Variants in RSRC1 observed in about 807,000 individuals in gnomAD.
The protein encoded by RSRC1 is arginine and serine rich coiled-coil 1, also known as serine/Arginine-related protein 53.
RSRC1 carries 39 observed loss-of-function variants against 49.1 expected under a neutral mutation model. The observed-to-expected ratio is 0.79, with a 90% CI of 0.61 to 1.04. RSRC1 has a LOEUF of 1.04. Ranked by LOEUF, RSRC1 falls within the 50% of genes least tolerant of loss-of-function variation. RSRC1 has a pLI of 0.00. For missense variants in RSRC1, 388 were observed against 402.4 expected (o/e 0.96, Z 0.31); for synonymous variants, 143 against 130.8 (o/e 1.09, Z -0.63).
At chr3:158,300,914 T>C (rs1727507027) in intron 5 of RSRC1, among the ~76,000 whole-genome samples, 1 of 152,184 alleles carries the variant, frequency 6.6e-6, no homozygotes, top group Non-Finnish European at 1.5e-5. Flanking sequence ...TATATACTTT[T>C]CTTGGTATAT....
chr3:158,420,319 G>A (rs754763682), intron 6 of RSRC1, among the ~76,000 whole-genome samples: 3 of 151,934 alleles, frequency 2.0e-5, no homozygotes, highest in Non-Finnish European at 4.4e-5. Flanking sequence ...AAGTAGTAAA[G>A]CTCATGAAAA....
At chr3:158,542,231 A>C (rs1395261321) in intron 8 of RSRC1, among the ~76,000 whole-genome samples, 4 of 152,180 alleles carry the variant, frequency 2.6e-5, no homozygotes, top group Non-Finnish European at 4.4e-5. Flanking sequence ...ACATGGATGA[A>C]CCTTAAAAAC....
At chr3:158,428,142 T>C (rs139477071) in intron 6 of RSRC1, among the ~76,000 whole-genome samples, 2 of 151,736 alleles carry the variant, frequency 1.3e-5, no homozygotes, top group Non-Finnish European at 2.9e-5. Context: ...TCTCCTTCCC[T>C]CTAGGAAAGG....
At chr3:158,445,411 A>G (rs1328953660) in intron 6 of RSRC1, among the ~76,000 whole-genome samples, 6 of 152,060 alleles carry the variant, frequency 3.9e-5, no homozygotes, top group Admixed American at 2.6e-4. Flanking sequence ...AGGACAAAAA[A>G]CCAAACACCA....
chr3:158,339,108 A>C (rs1287379351), intron 5 of RSRC1, among the ~76,000 whole-genome samples: 1 of 151,904 alleles, frequency 6.6e-6, no homozygotes, highest in Non-Finnish European at 1.5e-5. Context: ...CTGGCTAACA[A>C]GGTGAAACCC....
At chr3:158,511,532 T>C (rs1009983528) in intron 7 of RSRC1, among the ~76,000 whole-genome samples, 9 of 152,214 alleles carry the variant, frequency 5.9e-5, no homozygotes, top group Non-Finnish European at 1.2e-4. Flanking sequence ...TTGTTGGACA[T>C]TTGGGTTGGT....
At chr3:158,453,716 C>T (rs751252235) in intron 6 of RSRC1, among the ~76,000 whole-genome samples, 1 of 152,050 alleles carries the variant, frequency 6.6e-6, no homozygotes, top group African/African-American at 2.4e-5. Context: ...GGGTTCTCTT[C>T]TTCTTCTTAA....
intron 1 of RSRC1, among the ~76,000 whole-genome samples, chr3:158,118,232 G>A (rs893156005): frequency 2.6e-5 from 4 of 152,158 alleles, no homozygotes; most frequent in East Asian, 3.9e-4. Flanking sequence ...TTACAGGCGT[G>A]AGCCACCGTG....
intron 6 of RSRC1, among the ~76,000 whole-genome samples, chr3:158,447,228 C>A (rs993871569): frequency 2.0e-5 from 3 of 151,942 alleles, no homozygotes; most frequent in Non-Finnish European, 4.4e-5. Flanking sequence ...TATTATAACA[C>A]TGATAGCAAG....
At chr3:158,142,175 G>A (rs1049716920) in intron 3 of RSRC1, among the ~76,000 whole-genome samples, 3 of 152,098 alleles carry the variant, frequency 2.0e-5, no homozygotes, top group Admixed American at 2.0e-4. Context: ...TGATTTGAAA[G>A]TTTTATTATC....
intron 3 of RSRC1, among the ~76,000 whole-genome samples, chr3:158,200,869 A>G (rs1363612798): frequency 1.3e-5 from 2 of 152,058 alleles, no homozygotes; most frequent in Non-Finnish European, 2.9e-5. Flanking sequence ...TTTTACTTTG[A>G]GCACTTATAT....
intron 4 of RSRC1, among the ~76,000 whole-genome samples, chr3:158,286,813 A>G (rs1047261433): frequency 7.9e-5 from 12 of 152,220 alleles, no homozygotes; most frequent in African/African-American, 2.7e-4. Context: ...TGAGTTATTC[A>G]AACTTTGCTG....
At chr3:158,268,413 G>T (rs1725326267) in intron 4 of RSRC1, among the ~76,000 whole-genome samples, 1 of 152,082 alleles carries the variant, frequency 6.6e-6, no homozygotes, top group South Asian at 2.1e-4. Flanking sequence ...TCATACTGTT[G>T]CTGTGGTTCT....
intron 7 of RSRC1, among the ~76,000 whole-genome samples, chr3:158,488,237 A>G (rs1263548984): frequency 6.6e-6 from 1 of 152,078 alleles, no homozygotes; most frequent in Non-Finnish European, 1.5e-5. Flanking sequence ...AAAATCTGTT[A>G]TGTCTGAAGG....
At chr3:158,139,398 T>C (rs1716600305) in intron 3 of RSRC1, among the ~76,000 whole-genome samples, 1 of 151,374 alleles carries the variant, frequency 6.6e-6, no homozygotes, top group Admixed American at 6.6e-5. Context: ...AGAGCAAGAC[T>C]TAGTCTGGAA....
chr3:158,200,081 AG>A (rs774150350), intron 3 of RSRC1, among the ~76,000 whole-genome samples: 17 of 152,226 alleles, frequency 1.1e-4, no homozygotes, highest in Admixed American at 2.6e-4. Flanking sequence ...TCTGTCACCC[AG>A]GCTGGAGTGC....
intron 5 of RSRC1, among the ~76,000 whole-genome samples, chr3:158,348,944 A>G (rs1197295848): frequency 6.6e-6 from 1 of 152,182 alleles, no homozygotes; most frequent in Non-Finnish European, 1.5e-5. Flanking sequence ...TTGTGGCTGC[A>G]TAGTAGTCCA....
At chr3:158,281,316 A>G (rs534829327) in intron 4 of RSRC1, among the ~76,000 whole-genome samples, 16 of 151,474 alleles carry the variant, frequency 1.1e-4, no homozygotes, top group Admixed American at 5.9e-4. Context: ...TTTTGGATCT[A>G]TTGAGCATAA....
chr3:158,202,971 A>G (rs1721145222), intron 3 of RSRC1, 101 bp from the exon 4 acceptor site: 1 of 882,690 alleles, frequency 1.1e-6, no homozygotes, highest in South Asian at 2.0e-5. Context: ...TGAGTCCACA[A>G]CTAAAACTAA....
Sources: allele counts gnomAD v4.1 joint callset (sites outside exome capture counted in the v4.1 genomes callset), GRCh38; gene constraint gnomAD v4.1.1; transcripts MANE v1.5; gene names NCBI Gene and HGNC (gene_info 2026-07-23, HGNC 2026-07-21).